Variants in LSM12 observed in about 807,000 individuals in gnomAD.
LSM12 encodes LSM12 homolog, also known as protein LSM12.
For missense variants in LSM12, 108 were observed against 238.9 expected, an observed-to-expected ratio of 0.45 and a Z score of 3.61; for synonymous variants, 74 against 87.3, an observed-to-expected ratio of 0.85 and a Z score of 0.85.
intron 2 of LSM12, among the ~76,000 whole-genome samples, chr17:44,043,195 C>T (rs1025628527): frequency 9.2e-5 from 14 of 152,370 alleles, no homozygotes; most frequent in Middle Eastern, 3.4e-3. Flanking sequence ...AGAAGGCCAG[C>T]TCACGCTGTC....
intron 2 of LSM12, among the ~76,000 whole-genome samples, chr17:44,046,098 G>A (rs1206924503): frequency 6.6e-6 from 1 of 151,024 alleles, no homozygotes; most frequent in African/African-American, 2.4e-5. Flanking sequence ...CACCACGCCC[G>A]GATAATTTTT....
At chr17:44,066,417 GC>G in intron 1 of LSM12, 46 bp downstream of exon 1, 2 of 1,498,894 alleles carry the variant, frequency 1.3e-6, no homozygotes, top group Non-Finnish European at 1.8e-6. Flanking sequence ...CCCGACCACC[GC>G]ACCTACACGC....
chr17:44,058,261 A>G (rs1459640275), intron 2 of LSM12, among the ~76,000 whole-genome samples: 1 of 151,336 alleles, frequency 6.6e-6, no homozygotes, highest in African/African-American at 2.4e-5. Flanking sequence ...AAATAATAAT[A>G]ATAATAATAA....
At chr17:44,040,313 C>A in intron 2 of LSM12, 57 bp from the exon 3 acceptor site, 1 of 1,292,978 alleles carries the variant, frequency 7.7e-7, no homozygotes, top group Non-Finnish European at 1.1e-6. Context: ...TTCTTGCCAA[C>A]AGTCAGGACC....
rs2049406422 is a variant in LSM12, at chr17:44,035,677, C to CT, written c.*530_*531insA. On this transcript the variant is annotated 3_prime_UTR_variant, in exon 5 of 5. Coordinates refer to ENST00000293406, the MANE Select transcript of LSM12 (RefSeq NM_001371445.1). ...AAACTAATTCAAGCCATGCCCTGTG[C>CT]AAAAAAAAAAAAAAAAAGAAAAAAG... 1 of 58,070 alleles carries CT rather than the reference C, an allele frequency of 1.7e-5. No homozygotes were observed. Among genetic ancestry groups the CT allele is most frequent in the South Asian group, 9.0e-4 (1 of 1,114 alleles). The allele number at this position is 58,070 out of a possible 1,614,324, so 3.6% of individuals were successfully genotyped here. A position where few individuals can be genotyped will look rare whatever the true frequency, so the allele number is the denominator to read the frequency against.
chr17:44,063,991 C>A, intron 1 of LSM12, 57 bp from the exon 2 acceptor site: 1 of 1,581,750 alleles, frequency 6.3e-7, no homozygotes, highest in Middle Eastern at 1.7e-4. Context: ...ACTGACACAT[C>A]CCAAAAGGGG....
intron 2 of LSM12, among the ~76,000 whole-genome samples, chr17:44,056,780 G>T (rs932274346): frequency 1.3e-5 from 2 of 152,054 alleles, no homozygotes; most frequent in Admixed American, 6.6e-5. Flanking sequence ...AATCACCTGA[G>T]GTCGGGAGTT....
At chr17:44,041,282 A>ACACAC (rs779374869) in intron 2 of LSM12, among the ~76,000 whole-genome samples, 1 of 130,332 alleles carries the variant, frequency 7.7e-6, no homozygotes, top group Non-Finnish European at 1.6e-5. Flanking sequence ...TTAAAAAAAA[A>ACACAC]AAAAACAAAC....
At chr17:44,052,241 TA>T (rs923373793) in intron 2 of LSM12, among the ~76,000 whole-genome samples, 72 of 124,120 alleles carry the variant, frequency 5.8e-4, no homozygotes, top group Admixed American at 2.4e-3. Flanking sequence ...ATCTCTAAAT[TA>T]AAAAAAAAAA....
intron 2 of LSM12, among the ~76,000 whole-genome samples, chr17:44,055,666 C>A (rs2049702425): frequency 6.9e-6 from 1 of 144,846 alleles, no homozygotes; most frequent in Non-Finnish European, 1.5e-5. Context: ...GAGAGTGAGA[C>A]CCTGTCTCAA....
intron 2 of LSM12, among the ~76,000 whole-genome samples, chr17:44,046,310 C>T (rs1197401119): frequency 6.6e-6 from 1 of 152,050 alleles, no homozygotes; most frequent in Non-Finnish European, 1.5e-5. Flanking sequence ...CATGTTTTTA[C>T]TTTTGTTAGG....
intron 2 of LSM12, among the ~76,000 whole-genome samples, chr17:44,049,949 A>G (rs2049620760): frequency 6.6e-6 from 1 of 152,226 alleles, no homozygotes; most frequent in East Asian, 1.9e-4. Flanking sequence ...GAAACACTGC[A>G]GCTGCTGCCC....
chr17:44,048,228 T>A (rs911058317), intron 2 of LSM12, among the ~76,000 whole-genome samples: 2 of 152,088 alleles, frequency 1.3e-5, no homozygotes, highest in African/African-American at 2.4e-5. Flanking sequence ...ATGCTTGTAA[T>A]CCCAGCACTT....
intron 3 of LSM12, among the ~76,000 whole-genome samples, chr17:44,038,970 G>A (rs966852183): frequency 6.6e-6 from 1 of 152,206 alleles, no homozygotes; most frequent in African/African-American, 2.4e-5. Flanking sequence ...GTGGGGTGGG[G>A]GGAGGCGGGG....
At chr17:44,048,206 G>C (rs955306065) in intron 2 of LSM12, among the ~76,000 whole-genome samples, 4 of 151,982 alleles carry the variant, frequency 2.6e-5, no homozygotes, top group Non-Finnish European at 5.9e-5. Flanking sequence ...TCCAGGCCAA[G>C]AGCAGTGGCT....
intron 2 of LSM12, among the ~76,000 whole-genome samples, chr17:44,059,183 C>CAT (rs1241689277): frequency 6.6e-6 from 1 of 152,058 alleles, no homozygotes; most frequent in Non-Finnish European, 1.5e-5. Context: ...AAACAGAACA[C>CAT]ACACACACAC....
intron 2 of LSM12, among the ~76,000 whole-genome samples, chr17:44,055,656 G>A (rs1372068727): frequency 6.8e-6 from 1 of 146,930 alleles, no homozygotes; most frequent in Non-Finnish European, 1.5e-5. Context: ...TAGCCTGGGT[G>A]AGAGTGAGAC....
rs35411238 is a variant in LSM12 at position 44,039,365 on chromosome 17, C to CTTTT, written c.368+778_368+781dup. 3.5e-4 allele frequency among the ~76,000 whole-genome samples: 18 copies of CTTTT among 51,056 alleles called. 1 individual carries two copies. Among genetic ancestry groups the CTTTT allele is most frequent in the African/African-American group, 5.8e-4 (7 of 12,038 alleles). 33.5% of individuals were successfully genotyped at this position (51,056 alleles called of 152,430 possible). ...CCACCGTGCCCGACCAACAAAATGT[C>CTTTT]TTTTTTTTTTTTTTTTTTTTTTTTT... On this transcript the variant is annotated intron_variant, in intron 3 of 4. Transcript: ENST00000293406.
intron 2 of LSM12, among the ~76,000 whole-genome samples, chr17:44,048,018 A>AACACACACACAC (rs57164806): frequency 2.5e-4 from 34 of 137,488 alleles, no homozygotes; most frequent in African/African-American, 4.5e-4. Context: ...GTCCGTATTA[A>AACACACACACAC]ACACACACAC....
Sources: allele counts gnomAD v4.1 joint callset (sites outside exome capture counted in the v4.1 genomes callset), GRCh38; gene constraint gnomAD v4.1.1; transcripts MANE v1.5; gene names NCBI Gene and HGNC (gene_info 2026-07-23, HGNC 2026-07-21).